AGBL1: variants seen among roughly 807,000 people sequenced by gnomAD.
The protein encoded by AGBL1 is cytosolic carboxypeptidase 4.
In AGBL1, 130 loss-of-function variants were observed where a neutral mutation model predicts 118.9. That is an observed-to-expected ratio of 1.09 (90% CI 0.95 to 1.26). The LOEUF is 1.26. Ranked by LOEUF, AGBL1 falls within the 50% of genes most tolerant of loss-of-function variation. The pLI, the probability that AGBL1 is intolerant of heterozygous loss-of-function variation, is 0.00. For synonymous variants in AGBL1, 555 were observed against 478.9 expected (o/e 1.16, Z -2.08); for missense variants, 1,584 against 1,298.1 (o/e 1.22, Z -3.38).
intron 5 of AGBL1, among the ~76,000 whole-genome samples, chr15:86,197,899 A>AT (rs915120283): frequency 6.6e-6 from 1 of 151,876 alleles, no homozygotes; most frequent in African/African-American, 2.4e-5. Context: ...TATTCTTTAA[A>AT]AAAAAAAAAG....
At chr15:86,336,475 T>C (rs149965173) in intron 17 of AGBL1, among the ~76,000 whole-genome samples, 126 of 152,340 alleles carry the variant, frequency 8.3e-4, no homozygotes, top group African/African-American at 2.8e-3. Context: ...GCTAAGTGAA[T>C]AATCTTCCCT....
chr15:86,471,715 T>C (rs2082481843), intron 18 of AGBL1, among the ~76,000 whole-genome samples: 1 of 152,158 alleles, frequency 6.6e-6, no homozygotes, highest in Non-Finnish European at 1.5e-5. Context: ...AGTGCTTCTA[T>C]ATTCAAAGTA....
chr15:86,274,458 AG>A (rs1369300052), intron 15 of AGBL1, among the ~76,000 whole-genome samples: 1 of 152,188 alleles, frequency 6.6e-6, no homozygotes, highest in Non-Finnish European at 1.5e-5. Context: ...TTCTTTAAAA[AG>A]TAATTGTCTA....
At chr15:86,256,410 C>G (rs1307278700) in intron 7 of AGBL1, among the ~76,000 whole-genome samples, 2 of 152,170 alleles carry the variant, frequency 1.3e-5, no homozygotes, top group African/African-American at 4.8e-5. Context: ...CAGAAGACAG[C>G]TGAAAGAGAA....
intron 5 of AGBL1, among the ~76,000 whole-genome samples, chr15:86,210,166 G>T (rs926248999): frequency 6.6e-6 from 1 of 152,210 alleles, no homozygotes; most frequent in African/African-American, 2.4e-5. Flanking sequence ...GGCTTGTAGA[G>T]TTTCTGCCAG....
chr15:86,585,904 A>G (rs1596291348), intron 21 of AGBL1, among the ~76,000 whole-genome samples: 2 of 152,214 alleles, frequency 1.3e-5, no homozygotes. Context: ...AGTTCTAGAC[A>G]GACTGTGAGG....
chr15:86,192,169 T>TGCACACAC (rs1477634626), intron 5 of AGBL1, among the ~76,000 whole-genome samples: 1 of 150,948 alleles, frequency 6.6e-6, no homozygotes, highest in Non-Finnish European at 1.5e-5. Context: ...CACACACACA[T>TGCACACAC]GCACACACAC....
At chr15:87,020,622 C>G (rs1408373012) in intron 24 of AGBL1, among the ~76,000 whole-genome samples, 6 of 152,086 alleles carry the variant, frequency 3.9e-5, no homozygotes, top group Admixed American at 6.6e-5. Flanking sequence ...CCAAAAGCTT[C>G]TTAAGCTAAT....
rs550223336 is a variant in AGBL1 at position 86,489,088 on chromosome 15, A to G, written c.2556-33722A>G. Among the ~76,000 whole-genome samples the G allele has an allele frequency of 5.3e-5, 8 of 152,156 alleles. No homozygotes were observed. In the South Asian group the frequency reaches 1.5e-3, roughly 28 times the overall value. On this transcript the variant is annotated intron_variant, in intron 18 of 22. Transcript: ENST00000614907. The stretch of plus-strand genomic sequence containing the variant: ...AAGGGCTGCAGGAGCTAAGGGGAGA[A>G]GATATTAATAAAAGAGGCCAAGAAA...
At chr15:86,356,572 A>T (rs1341090571) in intron 17 of AGBL1, among the ~76,000 whole-genome samples, 1 of 152,092 alleles carries the variant, frequency 6.6e-6, no homozygotes. Context: ...CAGATGTCTT[A>T]GAGTGGATCA....
chr15:86,345,379 C>T (rs901913959), intron 17 of AGBL1, among the ~76,000 whole-genome samples: 4 of 152,212 alleles, frequency 2.6e-5, no homozygotes, highest in Non-Finnish European at 5.9e-5. Flanking sequence ...ATTAATTATG[C>T]ACCTACTATG....
chr15:86,943,630 A>G (rs2080781633), intron 23 of AGBL1, among the ~76,000 whole-genome samples: 1 of 152,190 alleles, frequency 6.6e-6, no homozygotes, highest in Non-Finnish European at 1.5e-5. Context: ...GGCCGGCACC[A>G]TGTTGCCTGC....
At chr15:86,684,176 A>C (rs2086012314) in intron 22 of AGBL1, among the ~76,000 whole-genome samples, 1 of 152,198 alleles carries the variant, frequency 6.6e-6, no homozygotes, top group Non-Finnish European at 1.5e-5. Context: ...TATGGGGATA[A>C]AAAGCATCTT....
At chr15:86,230,635 G>A (rs2078440918) in intron 6 of AGBL1, among the ~76,000 whole-genome samples, 1 of 152,218 alleles carries the variant, frequency 6.6e-6, no homozygotes, top group Non-Finnish European at 1.5e-5. Context: ...GGGCCATGGA[G>A]TCAGACTACG....
chr15:86,979,042 C>G (rs1436427896), intron 23 of AGBL1, among the ~76,000 whole-genome samples: 1 of 152,180 alleles, frequency 6.6e-6, no homozygotes, highest in Non-Finnish European at 1.5e-5. Context: ...AACCTGTATC[C>G]TATTCACTGG....
At position 86,726,717 on chromosome 15, in the gene AGBL1, A is replaced by G. The variant is rs140750629; in HGVS notation, c.3158+52281A>G. On this transcript the variant is annotated intron_variant, in intron 22 of 22. Transcript: ENST00000614907. ...GCTGGGACTACAGGCAGGCACCACC[A>G]TGCCCAGCTAATTGTTTTTATTTAT... 6.4e-3 allele frequency among the ~76,000 whole-genome samples: 977 copies of G among 152,196 alleles called. 4 individuals carry two copies. Among genetic ancestry groups the G allele is most frequent in the African/African-American group, 0.02 (813 of 41,506 alleles).
chr15:86,327,432 T>G (rs539341902), intron 17 of AGBL1, among the ~76,000 whole-genome samples: 1 of 152,370 alleles, frequency 6.6e-6, no homozygotes, highest in Non-Finnish European at 1.5e-5. Flanking sequence ...TCTGACTCAT[T>G]CTCTGACAGT....
At chr15:86,263,306 G>A (rs1010589097) in intron 10 of AGBL1, among the ~76,000 whole-genome samples, 3 of 152,188 alleles carry the variant, frequency 2.0e-5, no homozygotes, top group Non-Finnish European at 4.4e-5. Flanking sequence ...ATGCTGTACA[G>A]GTTTGTAGCC....
In AGBL1 at chr15:86,755,122, A is replaced by G. The variant is rs1433446271; in HGVS notation, c.3158+80686A>G. ...TTTCCACAATGTGACGGACTTTCAT[A>G]CTACTTTCATACTTGTGTCTGCTCT... On this transcript the variant is annotated intron_variant, in intron 22 of 22. Coordinates refer to ENST00000614907, the MANE Select transcript of AGBL1 (RefSeq NM_001386094.1). 2.0e-5 allele frequency among the ~76,000 whole-genome samples: 3 copies of G among 152,234 alleles called. No individual in the cohort carries two copies. In the East Asian group the frequency reaches 5.8e-4, roughly 30 times the overall value.
Sources: allele counts gnomAD v4.1 joint callset (sites outside exome capture counted in the v4.1 genomes callset), GRCh38; gene constraint gnomAD v4.1.1; transcripts MANE v1.5; gene names NCBI Gene and HGNC (gene_info 2026-07-23, HGNC 2026-07-21).